TRHR: variants seen among roughly 807,000 people sequenced by gnomAD.
The protein encoded by TRHR is thyrotropin releasing hormone receptor.
Under a neutral mutation model 28.0 loss-of-function variants are expected in TRHR, and 14 were observed. That is an observed-to-expected ratio of 0.50 (90% CI 0.33 to 0.78). The LOEUF is 0.78. Ranked by LOEUF, TRHR falls within the 30% of genes least tolerant of loss-of-function variation. TRHR has a pLI of 0.02. For missense variants in TRHR, 438 were observed against 469.5 expected, an observed-to-expected ratio of 0.93 and a Z score of 0.62; for synonymous variants, 176 against 171.9, an observed-to-expected ratio of 1.02 and a Z score of -0.18.
chr8:109,105,035 A>G (rs1811728773), intron 2 of TRHR, among the ~76,000 whole-genome samples: 1 of 152,166 alleles, frequency 6.6e-6, no homozygotes. Flanking sequence ...TCCCATTTGC[A>G]TATGTGTCCA....
intron 2 of TRHR, among the ~76,000 whole-genome samples, chr8:109,110,721 GCCTTTATTCA>G (rs1269809032): frequency 2.0e-5 from 3 of 152,110 alleles, no homozygotes; most frequent in African/African-American, 4.8e-5. Flanking sequence ...TCATCACTCA[GCCTTTATTCA>G]CTTTTATTAC....
At chr8:109,095,905 C>T (rs1343487875) in intron 2 of TRHR, among the ~76,000 whole-genome samples, 5 of 151,892 alleles carry the variant, frequency 3.3e-5, no homozygotes, top group Non-Finnish European at 7.4e-5. Context: ...ACCTACTTCT[C>T]CACTCGCACC....
At position 109,119,706 on chromosome 8, in the gene TRHR, C is replaced by T; in HGVS notation, c.*251C>T. The T allele has an allele frequency of 2.3e-6, 1 of 435,872 alleles. No homozygotes were observed. The highest frequency in any genetic ancestry group is 4.1e-6 in the Non-Finnish European group (1 of 244,982). The allele number at this position is 435,872 out of a possible 1,614,324, so 27.0% of individuals were successfully genotyped here. ...AATGATGGAAACTTAAAGTTTAGCCCTTTTCATTTAACTTAAGAAATTCAC... is the reference window on the plus strand; with the variant it reads ...AATGATGGAAACTTAAAGTTTAGCCTTTTTCATTTAACTTAAGAAATTCAC... On this transcript the variant is annotated 3_prime_UTR_variant, in exon 3 of 3. Coordinates refer to ENST00000518632, the MANE Select transcript of TRHR (RefSeq NM_003301.7).
rs1269557607 is a variant in TRHR at position 109,121,502 on chromosome 8, A to G, written c.*2047A>G. 6.6e-6 allele frequency among the ~76,000 whole-genome samples: 1 copy of G among 151,774 alleles called. No homozygotes were observed. The highest frequency in any genetic ancestry group is 1.5e-5 in the Non-Finnish European group (1 of 67,808). On this transcript the variant is annotated 3_prime_UTR_variant, in exon 3 of 3. Transcript: ENST00000518632. ...TACAGCTGTAATTTCTCTGATGATT[A>G]GACCAGTATTCCTGTGACCTAATTC...
At chr8:109,098,380 C>T (rs78736179) in intron 2 of TRHR, among the ~76,000 whole-genome samples, 1 of 151,980 alleles carries the variant, frequency 6.6e-6, no homozygotes, top group Non-Finnish European at 1.5e-5. Context: ...GATCCTCCTA[C>T]CTTGCCCTCC....
intron 2 of TRHR, among the ~76,000 whole-genome samples, chr8:109,101,647 G>C (rs1485438832): frequency 6.6e-6 from 1 of 152,178 alleles, no homozygotes; most frequent in Non-Finnish European, 1.5e-5. Flanking sequence ...GACAACAGTA[G>C]AGAAGAAACA....
intron 2 of TRHR, among the ~76,000 whole-genome samples, chr8:109,092,887 A>G (rs764882937): frequency 2.0e-5 from 3 of 151,984 alleles, no homozygotes; most frequent in Non-Finnish European, 4.4e-5. Context: ...CCACCTCTCA[A>G]AGACCAAAAT....
intron 1 of TRHR, 149 bp from the exon 2 acceptor site, chr8:109,087,276 G>A (rs988392043): frequency 5.1e-6 from 3 of 583,220 alleles, no homozygotes; most frequent in Admixed American, 5.9e-5. Context: ...CACTAGAGAT[G>A]CAATAAAAGA....
intron 2 of TRHR, among the ~76,000 whole-genome samples, chr8:109,110,014 C>T (rs1811806700): frequency 6.6e-6 from 1 of 152,162 alleles, no homozygotes; most frequent in Admixed American, 6.5e-5. Context: ...GTAACTCCTA[C>T]TGTCATCTGT....
chr8:109,104,668 T>A (rs1342690803), intron 2 of TRHR, among the ~76,000 whole-genome samples: 1 of 152,094 alleles, frequency 6.6e-6, no homozygotes, highest in African/African-American at 2.4e-5. Flanking sequence ...CAGAGGTACA[T>A]CCCAAGACAA....
chr8:109,089,274 C>G (rs955053522), intron 2 of TRHR, among the ~76,000 whole-genome samples: 1 of 151,346 alleles, frequency 6.6e-6, no homozygotes, highest in African/African-American at 2.4e-5. Context: ...GAAATCTAAA[C>G]TTGAAATCAA....
rs1266098530 is a variant in TRHR at position 109,087,596 on chromosome 8, C to T, written c.84C>T (p.Thr28=). 2 of 1,614,152 alleles carry T rather than the reference C, an allele frequency of 1.2e-6. No homozygotes were observed. The highest frequency in any genetic ancestry group is 4.5e-5 in the East Asian group (2 of 44,876). Residue 28 remains threonine (T), a synonymous_variant, in exon 2 of 3, where the codon ACC becomes ACT. Transcript: ENST00000518632. The part of the protein sequence containing the change: ...AVVALEYQVV[T]ILLVLIICGL... ...TGGCCTTAGAATACCAGGTGGTCACCATCTTACTTGTACTCATTATTTGTG... is the reference window on the plus strand; with the variant it reads ...TGGCCTTAGAATACCAGGTGGTCACTATCTTACTTGTACTCATTATTTGTG...
At chr8:109,112,924 TG>T (rs1208062019) in intron 2 of TRHR, among the ~76,000 whole-genome samples, 13 of 152,142 alleles carry the variant, frequency 8.5e-5, no homozygotes. Flanking sequence ...CAGAGTAATA[TG>T]GCTCAAATGG....
At chr8:109,108,061 G>A (rs530293656) in intron 2 of TRHR, among the ~76,000 whole-genome samples, 10 of 152,232 alleles carry the variant, frequency 6.6e-5, no homozygotes, top group South Asian at 2.1e-4. Context: ...AATTAGCTCC[G>A]TAACTCCAGG....
At chr8:109,118,411 G>A (rs957750483) in intron 2 of TRHR, among the ~76,000 whole-genome samples, 6 of 151,818 alleles carry the variant, frequency 4.0e-5, no homozygotes, top group South Asian at 4.1e-4. Flanking sequence ...TTTTACAGAT[G>A]AGCTATAAGA....
intron 2 of TRHR, among the ~76,000 whole-genome samples, chr8:109,097,798 C>G (rs73311314): frequency 0.037 from 5,620 of 152,256 alleles, 344 homozygotes; most frequent in African/African-American, 0.13. Context: ...TGAGCAATGC[C>G]AGAGAATATC....
In TRHR at chr8:109,087,679, TG is replaced by T. The variant is rs766963652; in HGVS notation, c.168del (p.Met56IlefsTer10). 6.2e-7 allele frequency: 1 copy of T among 1,613,986 alleles called. No individual in the cohort carries two copies. The highest frequency in any genetic ancestry group is 8.5e-7 in the Non-Finnish European group (1 of 1,180,026). On this transcript the variant is annotated frameshift_variant, in exon 2 of 3. Transcript: ENST00000518632. LOFTEE classifies it high-confidence loss of function. ...CTGGTTGTCATGAGAACCAAGCACA[TG>T]AGGACCCCCACAAACTGCTACCTGG... is the stretch of plus-strand genomic sequence containing the variant. ...VVLVVMRTKHMRTPTNCYLVS... is the reference protein window; with the variant it reads ...VVLVVMRTKHXRTPTNCYLVS...
At chr8:109,118,943 T>C in intron 2 of TRHR, 105 bp from the exon 3 acceptor site, 3 of 1,424,838 alleles carry the variant, frequency 2.1e-6, no homozygotes, top group Non-Finnish European at 3.0e-6. Flanking sequence ...TAACTCCTTG[T>C]CTCAGACTAC....
rs1378995259 is a variant in TRHR at position 109,088,018 on chromosome 8, G to A, written c.506G>A (p.Ser169Asn). The A allele has an allele frequency of 3.1e-6, 5 of 1,613,816 alleles. No individual in the cohort carries two copies. Among genetic ancestry groups the A allele is most frequent in the Non-Finnish European group, 2.5e-6 (3 of 1,180,008 alleles). The change falls in exon 2 of 3, where the codon AGC (serine) becomes AAC (asparagine). Residue 169 changes from serine (S) to asparagine (N), a missense_variant. Ser to Asn is a conservative substitution (Grantham distance 46). Transcript: ENST00000518632. ...TTCTTCTTGCTGGATCTCAATATTA[G>A]CACCTACAAAGATGCTATTGTGATA... is the stretch of plus-strand genomic sequence containing the variant. ...LWFFLLDLNI[S>N]TYKDAIVISC...
Sources: gnomAD v4.1 joint callset for allele counts (sites outside exome capture counted in the v4.1 genomes callset) on GRCh38, gnomAD v4.1.1 for gene constraint, MANE v1.5 for transcripts, NCBI Gene and HGNC (gene_info 2026-07-23, HGNC 2026-07-21) for gene names.